The following ZCCHC24 variants were observed in gnomAD, a reference collection of about 807,000 sequenced individuals.
ZCCHC24 encodes the protein zinc finger CCHC-type containing 24, also known as zinc finger CCHC domain-containing protein 24.
In ZCCHC24, 10 loss-of-function variants were observed where a neutral mutation model predicts 26.2. The observed-to-expected ratio is 0.38, with a 90% CI of 0.24 to 0.65. The LOEUF (loss-of-function observed/expected upper bound fraction) is 0.65. Among genes scored for constraint, ZCCHC24 ranks in the 30% least tolerant of loss-of-function variants. The pLI, the probability that ZCCHC24 is intolerant of heterozygous loss-of-function variation, is 0.54. For synonymous variants in ZCCHC24, 144 were observed against 147.1 expected (o/e 0.98, Z 0.15); for missense variants, 243 against 329.1 (o/e 0.74, Z 2.03).
intron 2 of ZCCHC24, among the ~76,000 whole-genome samples, chr10:79,428,573 G>A (rs1365647308): frequency 6.6e-6 from 1 of 152,044 alleles, no homozygotes; most frequent in Non-Finnish European, 1.5e-5. Context: ...AGCTAAAAAT[G>A]GTTAAGATGG....
Position 79,386,375 on chromosome 10 carries a change from G to A in ZCCHC24, c.696C>T (p.Val232=), listed in dbSNP as rs1856396233. ...GCACGCGACGGCAGTAGTAGCCCAGGACCTTGCACTTCTCGCAGAGGTGCT... is the reference window on the plus strand; with the variant it reads ...GCACGCGACGGCAGTAGTAGCCCAGAACCTTGCACTTCTCGCAGAGGTGCT... ...HPQHLCEKCK[V]LGYYCRRVQ Residue 232 remains valine (V), a synonymous_variant, in exon 4 of 4, where the codon GTC becomes GTT. Transcript: ENST00000372336. 1 of 1,613,096 alleles carries A rather than the reference G, an allele frequency of 6.2e-7. No homozygotes were observed. Among genetic ancestry groups the A allele is most frequent in the Non-Finnish European group, 8.5e-7 (1 of 1,179,598 alleles).
chr10:79,423,973 G>C (rs1008940258), intron 2 of ZCCHC24, among the ~76,000 whole-genome samples: 3 of 148,938 alleles, frequency 2.0e-5, no homozygotes. Flanking sequence ...AGCTGAGATC[G>C]CGCCACTGCA....
At chr10:79,442,050 G>C (rs1274385894) in intron 1 of ZCCHC24, among the ~76,000 whole-genome samples, 1 of 152,190 alleles carries the variant, frequency 6.6e-6, no homozygotes, top group African/African-American at 2.4e-5. Context: ...ATGCAGCCCA[G>C]CCCCTACTCC....
intron 2 of ZCCHC24, among the ~76,000 whole-genome samples, chr10:79,413,103 C>T (rs1279075483): frequency 6.6e-6 from 1 of 152,230 alleles, no homozygotes; most frequent in East Asian, 1.9e-4. Flanking sequence ...AAACACAAGC[C>T]ACTCATCCAA....
chr10:79,396,162 T>A (rs763424397), intron 2 of ZCCHC24, among the ~76,000 whole-genome samples: 37 of 152,258 alleles, frequency 2.4e-4, no homozygotes, highest in South Asian at 6.2e-4. Context: ...GGTTTGTTCA[T>A]GCTACAGCAT....
In ZCCHC24 at chr10:79,394,344, C is replaced by T. The variant is rs749127852; in HGVS notation, c.544G>A (p.Gly182Arg). 1.9e-6 allele frequency: 3 copies of T among 1,614,104 alleles called. No homozygotes were observed. The highest frequency in any genetic ancestry group is 1.3e-5 in the African/African-American group (1 of 74,936). The change falls in exon 3 of 4, where the codon GGG becomes AGG. Residue 182 changes from glycine to arginine, a missense_variant. By Grantham distance (125) the Gly-to-Arg change is moderately radical. Coordinates refer to ENST00000372336, the MANE Select transcript of ZCCHC24 (RefSeq NM_153367.4). ...CPKCKRKWMS[G>R]NSWANMGQEC... ...TGCCCCATGTTGGCCCAGGAGTTCCCGCTCATCCATTTTCTCTTGCACTTG... is the reference window on the plus strand; with the variant it reads ...TGCCCCATGTTGGCCCAGGAGTTCCTGCTCATCCATTTTCTCTTGCACTTG...
chr10:79,403,352 C>T, intron 2 of ZCCHC24: 1 of 981,832 alleles, frequency 1.0e-6, no homozygotes, highest in Non-Finnish European at 1.2e-6. Context: ...AGTGCTGAGC[C>T]CCTGGCTTTT....
chr10:79,413,781 AGAGAG>A (rs1267473476), intron 2 of ZCCHC24, among the ~76,000 whole-genome samples: 1 of 101,908 alleles, frequency 9.8e-6, no homozygotes, highest in Non-Finnish European at 2.3e-5. Context: ...TGTGTGTGTG[AGAGAG>A]AGAGAGAGAG....
rs548938278 is a variant in ZCCHC24, at chr10:79,391,797, G to A, written c.612+2479C>T. Among the ~76,000 whole-genome samples, 20 of 151,278 alleles carry A rather than the reference G, an allele frequency of 1.3e-4. No homozygotes were observed. The South Asian group carries it at 3.4e-3, about 25-fold the overall frequency. On this transcript the variant is annotated intron_variant, in intron 3 of 3. Transcript: ENST00000372336. ...GGGTAGCCTTCCCCCAGTAGCTCCCGGAGCGCTCTCCCCTCCTGCCTCCTC... is the reference window on the plus strand; with the variant it reads ...GGGTAGCCTTCCCCCAGTAGCTCCCAGAGCGCTCTCCCCTCCTGCCTCCTC...
intron 3 of ZCCHC24, among the ~76,000 whole-genome samples, chr10:79,392,195 G>A (rs563677897): frequency 1.3e-5 from 2 of 152,042 alleles, no homozygotes; most frequent in South Asian, 4.1e-4. Flanking sequence ...TGGACCCTCC[G>A]TACACCAGGC....
chr10:79,438,907 T>C (rs1174241346), intron 1 of ZCCHC24, among the ~76,000 whole-genome samples: 2 of 152,230 alleles, frequency 1.3e-5, no homozygotes, highest in African/African-American at 4.8e-5. Context: ...AGCTAGTGTG[T>C]AAGCACTGGG....
At chr10:79,435,064 C>A (rs1857197308) in intron 1 of ZCCHC24, among the ~76,000 whole-genome samples, 1 of 151,934 alleles carries the variant, frequency 6.6e-6, no homozygotes, top group African/African-American at 2.4e-5. Flanking sequence ...CCCTCCAAAT[C>A]CGCCCCAGCC....
chr10:79,412,642 C>T (rs1564635814), intron 2 of ZCCHC24, among the ~76,000 whole-genome samples: 1 of 152,230 alleles, frequency 6.6e-6, no homozygotes, highest in Non-Finnish European at 1.5e-5. Context: ...CCTGCAGCCA[C>T]GTAGAGAGAT....
rs1265355542 is a variant in ZCCHC24, at chr10:79,385,111, A to T, written c.*1234T>A. ...CAGGGGCTAGGAGACCGAGGTGAGA[A>T]GGAGGGGGCTCCTCCATGTTTGCAG... On this transcript the variant is annotated 3_prime_UTR_variant, in exon 4 of 4. Transcript: ENST00000372336. This position sits in a 1 kb window ranked among gnomAD's most constrained non-coding sequence, Gnocchi z 4.3. 1 of 152,084 alleles carries T rather than the reference A, an allele frequency of 6.6e-6. No homozygotes were observed. The highest frequency in any genetic ancestry group is 1.5e-5 in the Non-Finnish European group (1 of 67,980). 9.4% of individuals were successfully genotyped at this position (152,084 alleles called of 1,614,324 possible).
At chr10:79,390,741 G>C (rs1387074820) in intron 3 of ZCCHC24, among the ~76,000 whole-genome samples, 1 of 152,252 alleles carries the variant, frequency 6.6e-6, no homozygotes, top group Non-Finnish European at 1.5e-5. Flanking sequence ...AGGCCCAGTG[G>C]TGTTTTCTTC....
At chr10:79,400,109 G>C (rs1267257239) in intron 2 of ZCCHC24, among the ~76,000 whole-genome samples, 1 of 152,206 alleles carries the variant, frequency 6.6e-6, no homozygotes, top group African/African-American at 2.4e-5. Context: ...CTGCTGGGGT[G>C]GGGGCTGAAC....
intron 2 of ZCCHC24, among the ~76,000 whole-genome samples, chr10:79,405,813 A>C (rs1177852440): frequency 2.6e-5 from 4 of 152,230 alleles, no homozygotes; most frequent in Non-Finnish European, 5.9e-5. Flanking sequence ...GCCAAGTGCC[A>C]GAAAAGAAAT....
At chr10:79,437,370 A>G (rs1179602429) in intron 1 of ZCCHC24, among the ~76,000 whole-genome samples, 1 of 152,188 alleles carries the variant, frequency 6.6e-6, no homozygotes, top group Non-Finnish European at 1.5e-5. Flanking sequence ...TACTCTGATC[A>G]TGCGGTGTGT....
intron 2 of ZCCHC24, among the ~76,000 whole-genome samples, chr10:79,413,759 C>CGT (rs1564636033): frequency 1.2e-4 from 9 of 73,276 alleles, no homozygotes; most frequent in Non-Finnish European, 2.7e-4. Flanking sequence ...TGTGCGTGCG[C>CGT]ATGTGTGTGT....
Sources: gnomAD v4.1 joint callset for allele counts (sites outside exome capture counted in the v4.1 genomes callset) on GRCh38, gnomAD v4.1.1 for gene constraint, Gnocchi (gnomAD v3.1) non-coding constraint, MANE v1.5 for transcripts, NCBI Gene and HGNC (gene_info 2026-07-23, HGNC 2026-07-21) for gene names.